SLC18A1: variants seen among roughly 807,000 people sequenced by gnomAD.
The protein encoded by SLC18A1 is solute carrier family 18 member A1, also known as chromaffin granule amine transporter.
SLC18A1 carries 69 observed loss-of-function variants against 53.7 expected under a neutral mutation model. That is an observed-to-expected ratio of 1.28 (90% confidence interval 1.06 to 1.57). The LOEUF (loss-of-function observed/expected upper bound fraction) is 1.57. SLC18A1 is among the 40% of genes most tolerant of loss of function. SLC18A1 has a pLI of 0.00. For synonymous variants in SLC18A1, 320 were observed against 248.1 expected (o/e 1.29, Z -2.72); for missense variants, 932 against 668.1 (o/e 1.40, Z -4.35).
Position 20,173,022 on chromosome 8 carries a change from C to G in SLC18A1, c.724+14G>C, listed in dbSNP as rs373181243. On this transcript the variant is annotated intron_variant, in intron 6 of 15. Coordinates refer to ENST00000276373, the MANE Select transcript of SLC18A1 (RefSeq NM_003053.4). ...CACCCTCCCGAACCCAGAGCTCCAGCTGGTGCCACTTACCCAGCAACCCCA... is the reference window on the plus strand; with the variant it reads ...CACCCTCCCGAACCCAGAGCTCCAGGTGGTGCCACTTACCCAGCAACCCCA... 1 of 1,569,594 alleles carries G rather than the reference C, an allele frequency of 6.4e-7. No individual in the cohort carries two copies. Among genetic ancestry groups the G allele is most frequent in the Non-Finnish European group, 8.6e-7 (1 of 1,156,224 alleles).
At chr8:20,171,569 C>A in intron 6 of SLC18A1, 75 bp from the exon 7 acceptor site, 1 of 1,220,746 alleles carries the variant, frequency 8.2e-7, no homozygotes, top group Non-Finnish European at 1.2e-6. Flanking sequence ...CATATTTACC[C>A]CGTGAGCATT....
intron 3 of SLC18A1, 47 bp from the exon 4 acceptor site, chr8:20,178,540 C>G (rs1465783315): frequency 3.6e-6 from 5 of 1,382,532 alleles, no homozygotes; most frequent in Non-Finnish European, 5.1e-6. Flanking sequence ...AACAGGCACT[C>G]ACATACATGG....
At chr8:20,176,672 T>C (rs966502523) in intron 4 of SLC18A1, among the ~76,000 whole-genome samples, 3 of 152,146 alleles carry the variant, frequency 2.0e-5, no homozygotes, top group Admixed American at 6.5e-5. Flanking sequence ...TTTTAGAACA[T>C]TGGACAAGGA....
At chr8:20,145,921 T>C in intron 15 of SLC18A1, 45 bp from the exon 16 acceptor site, 1 of 228,590 alleles carries the variant, frequency 4.4e-6, no homozygotes, top group Non-Finnish European at 6.6e-6. Context: ...ATTATTATCA[T>C]TTTTTTTTTT....
chr8:20,148,263 C>T (rs921187807), intron 12 of SLC18A1, among the ~76,000 whole-genome samples, 193 bp from the exon 13 acceptor site: 13 of 152,274 alleles, frequency 8.5e-5, no homozygotes, highest in South Asian at 6.2e-4. Context: ...ACTTGACCAG[C>T]GCTGTTGTGT....
At chr8:20,146,980 A>C (rs2071417925) in intron 15 of SLC18A1, among the ~76,000 whole-genome samples, 1 of 152,208 alleles carries the variant, frequency 6.6e-6, no homozygotes, top group South Asian at 2.1e-4. Flanking sequence ...CAGTAACTAC[A>C]GGATGTCTTT....
chr8:20,171,599 G>A, intron 6 of SLC18A1, 105 bp from the exon 7 acceptor site: 3 of 844,154 alleles, frequency 3.6e-6, no homozygotes, highest in Non-Finnish European at 6.0e-6. Context: ...CCTGCTAGGG[G>A]CTAAGCTCCA....
chr8:20,178,121 A>AACACACACACACACACACACAC (rs10560327), intron 4 of SLC18A1, among the ~76,000 whole-genome samples: 1 of 148,724 alleles, frequency 6.7e-6, no homozygotes, highest in African/African-American at 2.5e-5. Flanking sequence ...TGATGCATAT[A>AACACACACACACACACACACAC]ACACACACAC....
At chr8:20,168,343 A>C (rs1208424104) in intron 8 of SLC18A1, among the ~76,000 whole-genome samples, 1 of 152,028 alleles carries the variant, frequency 6.6e-6, no homozygotes, top group Non-Finnish European at 1.5e-5. Context: ...CTCCAGCCTC[A>C]GTCACAGAAA....
intron 5 of SLC18A1, among the ~76,000 whole-genome samples, chr8:20,173,812 C>A (rs889036774): frequency 6.6e-6 from 1 of 152,008 alleles, no homozygotes; most frequent in Non-Finnish European, 1.5e-5. Flanking sequence ...CTGACCTGAG[C>A]TAGCTGCATC....
Position 20,176,414 on chromosome 8 carries a change from C to G in SLC18A1, c.548-1970G>C, listed in dbSNP as rs114264364. Among the ~76,000 whole-genome samples the G allele has an allele frequency of 9.8e-3, 1,499 of 152,286 alleles. 28 individuals are homozygous for G. Among genetic ancestry groups the G allele is most frequent in the African/African-American group, 0.035 (1,445 of 41,562 alleles). On this transcript the variant is annotated intron_variant, in intron 4 of 15. Transcript: ENST00000276373. ...GAACCATGAGCCAACAAACCTCTTT[C>G]TAATATAAATGACCCAGCCTCAGGT...
chr8:20,179,557 A>T, intron 2 of SLC18A1, 73 bp from the exon 3 acceptor site: 2 of 1,518,270 alleles, frequency 1.3e-6, no homozygotes, highest in Non-Finnish European at 1.8e-6. Flanking sequence ...CAAGGGGCTA[A>T]GGACAGATGT....
At chr8:20,152,738 G>A (rs2071589208) in intron 10 of SLC18A1, among the ~76,000 whole-genome samples, 1 of 152,182 alleles carries the variant, frequency 6.6e-6, no homozygotes, top group African/African-American at 2.4e-5. Context: ...GAGATCCAAG[G>A]ACTGAGCCTT....
At chr8:20,148,368 T>TC in intron 12 of SLC18A1, 1 of 970,656 alleles carries the variant, frequency 1.0e-6, no homozygotes, top group Non-Finnish European at 1.4e-6. Flanking sequence ...ACGAGGGTCT[T>TC]CCTCTGTTCC....
At chr8:20,150,366 G>A (rs1005769844) in intron 11 of SLC18A1, among the ~76,000 whole-genome samples, 4 of 152,128 alleles carry the variant, frequency 2.6e-5, no homozygotes, top group Non-Finnish European at 5.9e-5. Context: ...TTTCATAGCT[G>A]TTCTCTGTTG....
intron 10 of SLC18A1, among the ~76,000 whole-genome samples, chr8:20,160,892 G>A (rs2128872691): frequency 6.6e-6 from 1 of 152,112 alleles, no homozygotes; most frequent in South Asian, 2.1e-4. Context: ...AGAGAGAAAA[G>A]AAAAAGGGGC....
chr8:20,159,660 AAAAG>A (rs1376137804), intron 10 of SLC18A1, among the ~76,000 whole-genome samples: 65 of 149,780 alleles, frequency 4.3e-4, no homozygotes, highest in African/African-American at 1.4e-3. Context: ...AAAAAAAAAA[AAAAG>A]AAAGAAAAAG....
At chr8:20,178,322 G>T in intron 4 of SLC18A1, 113 bp downstream of exon 4, 1 of 778,774 alleles carries the variant, frequency 1.3e-6, no homozygotes, top group Non-Finnish European at 2.1e-6. Flanking sequence ...ATTCCAGTCT[G>T]CTTAGTCAGA....
intron 10 of SLC18A1, among the ~76,000 whole-genome samples, chr8:20,157,638 G>A (rs1450744138): frequency 6.6e-6 from 1 of 152,174 alleles, no homozygotes; most frequent in Non-Finnish European, 1.5e-5. Context: ...CTCTATTGAA[G>A]GCCAACTAAT....
Sources: gnomAD v4.1 joint callset for allele counts (sites outside exome capture counted in the v4.1 genomes callset) on GRCh38, gnomAD v4.1.1 for gene constraint, MANE v1.5 for transcripts, NCBI Gene and HGNC (gene_info 2026-07-23, HGNC 2026-07-21) for gene names.